Variants in SET observed in about 807,000 individuals in gnomAD.
SET encodes protein SET.
Under a neutral mutation model 39.0 loss-of-function variants are expected in SET, and 4 were observed. That is an observed-to-expected ratio of 0.10 (90% CI 0.05 to 0.23). The LOEUF (loss-of-function observed/expected upper bound fraction) is 0.23. Ranked by LOEUF, SET falls within the 10% of genes least tolerant of loss-of-function variation. The pLI is 1.00. For missense variants in SET, 137 were observed against 329.7 expected, an observed-to-expected ratio of 0.42 and a Z score of 4.53; for synonymous variants, 114 against 115.9, an observed-to-expected ratio of 0.98 and a Z score of 0.11.
intron 3 of SET, chr9:128,692,233 A>C: frequency 5.2e-6 from 2 of 383,148 alleles, no homozygotes; most frequent in Non-Finnish European, 9.3e-6. Context: ...CTAAAAATAC[A>C]AAAAAAATTA....
rs1217697740 is a variant in SET, at chr9:128,691,222, A to T, written c.126A>T (p.Ile42=). The T allele has an allele frequency of 2.4e-5, 38 of 1,593,402 alleles. No homozygotes were observed. The highest frequency in any genetic ancestry group is 3.1e-5 in the Non-Finnish European group (36 of 1,168,432). ...IEHIDEVQNE[I]DRLNEQASEE... is the part of the protein sequence containing the mutation. ...ACATTGATGAAGTACAAAATGAAAT[A>T]GACAGGTAACATTTTTCTTAATATA... is the stretch of plus-strand genomic sequence containing the variant. The change falls in exon 2 of 8, where the codon ATA becomes ATT. Residue 42 remains isoleucine, a synonymous_variant. Coordinates refer to ENST00000322030, the MANE Select transcript of SET (RefSeq NM_003011.4).
In SET at chr9:128,694,790, G is replaced by A. The variant is rs1055658783; in HGVS notation, c.*126G>A. Reference sequence around the variant, plus strand: ...TGTGCTCAGTCGCCCTGTTCTTGAGGTCTCTTTTCTCTACTCCATGGTTCT... The same window carrying A: ...TGTGCTCAGTCGCCCTGTTCTTGAGATCTCTTTTCTCTACTCCATGGTTCT... On this transcript the variant is annotated 3_prime_UTR_variant, in exon 8 of 8. Coordinates refer to ENST00000322030, the MANE Select transcript of SET (RefSeq NM_003011.4). The A allele has an allele frequency of 9.5e-6, 5 of 524,764 alleles. No individual in the cohort carries two copies. The highest frequency in any genetic ancestry group is 8.7e-5 in the Admixed American group (2 of 22,872). The allele number at this position is 524,764 out of a possible 1,614,324, so 32.5% of individuals were successfully genotyped here. A position where few individuals can be genotyped will look rare whatever the true frequency, so the allele number is the denominator to read the frequency against.
chr9:128,683,698 T>C, exon 1 of SET: 2 of 470,756 alleles, frequency 4.2e-6, no homozygotes, highest in Non-Finnish European at 7.5e-6. Flanking sequence ...AAGAAATTTC[T>C]CCTGATTGGA....
chr9:128,694,100 T>A, intron 7 of SET, 58 bp downstream of exon 7: 1 of 1,305,500 alleles, frequency 7.7e-7, no homozygotes, highest in Non-Finnish European at 1.0e-6. Flanking sequence ...CATGTTATTT[T>A]GGGGTGTATA....
intron 1 of SET, chr9:128,690,469 C>T (rs989439288): frequency 6.5e-6 from 1 of 152,714 alleles, no homozygotes; most frequent in Non-Finnish European, 1.5e-5. Flanking sequence ...CAAAAGGGCA[C>T]CTATTCCAGA....
chr9:128,691,022 C>T (rs986649156), intron 1 of SET, 148 bp from the exon 2 acceptor site: 2 of 725,766 alleles, frequency 2.8e-6, no homozygotes, highest in African/African-American at 1.8e-5. Flanking sequence ...AGAAATTAGT[C>T]AGCTACAAGC....
chr9:128,692,615 G>C, intron 3 of SET, 47 bp from the exon 4 acceptor site: 1 of 1,229,108 alleles, frequency 8.1e-7, no homozygotes, highest in Non-Finnish European at 1.2e-6. Context: ...ATTGTTGTTA[G>C]TGTGTGCCTG....
At chr9:128,686,125 T>G (rs760032676), upstream of SET, among the ~76,000 whole-genome samples, 5 of 151,864 alleles carry the variant, frequency 3.3e-5, no homozygotes, top group Non-Finnish European at 5.9e-5. Context: ...AATGCAGAGC[T>G]TCTGGTGTTG....
chr9:128,693,322 A>G (rs1861613246), intron 5 of SET, among the ~76,000 whole-genome samples: 1 of 152,206 alleles, frequency 6.6e-6, no homozygotes, highest in Non-Finnish European at 1.5e-5. Context: ...GTGGTGACTG[A>G]GCTCTTCAAA....
chr9:128,689,686 C>G, intron 1 of SET, 31 bp downstream of exon 1: 1 of 777,994 alleles, frequency 1.3e-6, no homozygotes, highest in South Asian at 4.7e-5. Flanking sequence ...GGCCGGCCCG[C>G]GCCGCCATCT....
At chr9:128,688,905 G>A (rs779609513), upstream of SET, among the ~76,000 whole-genome samples, 46 of 152,020 alleles carry the variant, frequency 3.0e-4, no homozygotes, top group Non-Finnish European at 6.2e-4. Context: ...CCGCGGAGCA[G>A]GGAAGCCGCT....
chr9:128,690,043 C>G, intron 1 of SET: 1 of 1,000,598 alleles, frequency 1.0e-6, no homozygotes, highest in Non-Finnish European at 1.2e-6. Flanking sequence ...CCGGACGCGG[C>G]CCCGCGCCCG....
chr9:128,696,128 G>T lies in SET; in HGVS notation c.*1464G>T, dbSNP rs999374198. The T allele has an allele frequency of 1.8e-5, 4 of 218,722 alleles. No individual in the cohort carries two copies. Among genetic ancestry groups the T allele is most frequent in the African/African-American group, 8.9e-5 (4 of 44,734 alleles). 13.5% of individuals were successfully genotyped at this position (218,722 alleles called of 1,614,324 possible). ...CCATTGTGCAGAGAAGCACCCTAAT[G>T]CATAAGCTTTTTAATGCTGTAAAAT... On this transcript the variant is annotated 3_prime_UTR_variant, in exon 8 of 8. Transcript: ENST00000322030.
Position 128,689,241 on chromosome 9 carries a change from T to G in SET, c.-342T>G. 1 of 997,732 alleles carries G rather than the reference T, an allele frequency of 1.0e-6. No homozygotes were observed. Among genetic ancestry groups the G allele is most frequent in the Non-Finnish European group, 1.2e-6 (1 of 838,208 alleles). 61.8% of individuals were successfully genotyped at this position (997,732 alleles called of 1,614,324 possible). On this transcript the variant is annotated 5_prime_UTR_variant, in exon 1 of 8. Transcript: ENST00000322030. ...GCCCGCCCCTCGCCGTAGGAGGAGG[T>G]GGAGGAGGAGGCGGCTCGGGAGAGC...
At chr9:128,684,224 C>A (rs1482992603), upstream of SET, among the ~76,000 whole-genome samples, 1 of 152,126 alleles carries the variant, frequency 6.6e-6, no homozygotes, top group African/African-American at 2.4e-5. Context: ...CAACTCAACA[C>A]TGACCCCTGA....
rs1267821565 is a variant in SET, at chr9:128,693,969, A to G, written c.737A>G (p.Glu246Gly). The change falls in exon 7 of 8, where the codon GAA becomes GGA. Residue 246 changes from glutamate (E) to glycine (G), a missense_variant. Glu to Gly is a moderately conservative substitution (Grantham distance 98). Coordinates refer to ENST00000322030, the MANE Select transcript of SET (RefSeq NM_003011.4). ...DDDDEEEEGL[E>G]DIDEEGDEDE... ...GATGATGAAGAGGAGGAAGGATTAG[A>G]AGATATTGACGAAGAAGGGGATGAG... The G allele has an allele frequency of 6.4e-7, 1 of 1,553,502 alleles. No homozygotes were observed. The highest frequency in any genetic ancestry group is 8.9e-7 in the Non-Finnish European group (1 of 1,126,260).
rs1418473346 is a variant in SET at position 128,689,239 on chromosome 9, G to A, written c.-344G>A. On this transcript the variant is annotated 5_prime_UTR_variant, in exon 1 of 8. Transcript: ENST00000322030. The stretch of plus-strand genomic sequence containing the variant: ...GCGCCCGCCCCTCGCCGTAGGAGGA[G>A]GTGGAGGAGGAGGCGGCTCGGGAGA... The A allele has an allele frequency of 7.0e-6, 7 of 1,000,210 alleles. No individual in the cohort carries two copies. Among genetic ancestry groups the A allele is most frequent in the South Asian group, 4.7e-5 (1 of 21,504 alleles). The allele number at this position is 1,000,210 out of a possible 1,614,324, so 62.0% of individuals were successfully genotyped here.
At chr9:128,683,797 C>A (rs887881022) in exon 1 of SET, 13 of 1,027,770 alleles carry the variant, frequency 1.3e-5, no homozygotes, top group Non-Finnish European at 1.7e-5. Context: ...GGCTCCAGTG[C>A]AGATTTAAGC....
At chr9:128,694,552 C>G in intron 7 of SET, 89 bp from the exon 8 acceptor site, 2 of 821,148 alleles carry the variant, frequency 2.4e-6, no homozygotes, top group Non-Finnish European at 3.9e-6. Context: ...TGGAGTGCCC[C>G]CAGGGGCACT....
Sources: gnomAD v4.1 joint callset for allele counts (sites outside exome capture counted in the v4.1 genomes callset) on GRCh38, gnomAD v4.1.1 for gene constraint, MANE v1.5 for transcripts, NCBI Gene and HGNC (gene_info 2026-07-23, HGNC 2026-07-21) for gene names.